HDAC9: variants seen among roughly 807,000 people sequenced by gnomAD.
HDAC9 encodes the protein histone deacetylase 9, also known as MEF-2 interacting transcription repressor (MITR) protein.
HDAC9 carries 41 observed loss-of-function variants against 139.4 expected under a neutral mutation model. The observed-to-expected ratio is 0.29, with a 90% confidence interval of 0.23 to 0.38. HDAC9 has a LOEUF of 0.38. Ranked by LOEUF, HDAC9 falls within the 10% of genes least tolerant of loss-of-function variation. HDAC9 has a pLI of 1.00. For missense variants in HDAC9, 1,147 were observed against 1,297.0 expected (o/e 0.88, Z 1.78); for synonymous variants, 517 against 476.2 (o/e 1.09, Z -1.12).
chr7:18,472,544 A>G (rs1206592136), intron 1 of HDAC9, among the ~76,000 whole-genome samples: 1 of 152,164 alleles, frequency 6.6e-6, no homozygotes, highest in Non-Finnish European at 1.5e-5. Context: ...GCTTTTTGTG[A>G]TACAGTTCCA....
At chr7:18,464,978 A>G (rs1794145425) in intron 1 of HDAC9, among the ~76,000 whole-genome samples, 1 of 151,942 alleles carries the variant, frequency 6.6e-6, no homozygotes, top group African/African-American at 2.4e-5. Flanking sequence ...CCTGTATCTT[A>G]TCCCTTTAAT....
intron 1 of HDAC9, among the ~76,000 whole-genome samples, chr7:18,135,587 A>G (rs1201312530): frequency 1.4e-4 from 19 of 134,518 alleles, no homozygotes; most frequent in African/African-American, 5.6e-4. Flanking sequence ...TTTACTGAGA[A>G]TGATGATTTC....
At chr7:18,233,413 A>T (rs1793601034) in intron 2 of HDAC9, among the ~76,000 whole-genome samples, 1 of 151,952 alleles carries the variant, frequency 6.6e-6, no homozygotes, top group African/African-American at 2.4e-5. Context: ...AGACCCCAAG[A>T]GGAATGAATC....
intron 13 of HDAC9, among the ~76,000 whole-genome samples, chr7:18,743,752 CGTAA>C (rs1787671043): frequency 1.3e-5 from 2 of 151,206 alleles, no homozygotes; most frequent in African/African-American, 4.9e-5. Flanking sequence ...AATAAGACAC[CGTAA>C]GTCTTATGGA....
chr7:18,496,237 G>A (rs568613786), intron 1 of HDAC9, 25 bp from the exon 2 acceptor site: 62 of 1,611,382 alleles, frequency 3.8e-5, no homozygotes, highest in Non-Finnish European at 1.3e-5. Flanking sequence ...GACAATTTAC[G>A]AGAGTGACTC....
upstream of HDAC9, among the ~76,000 whole-genome samples, chr7:18,495,496 G>T (rs1279510754): frequency 1.3e-5 from 2 of 152,112 alleles, no homozygotes; most frequent in Non-Finnish European, 2.9e-5. Context: ...AGAGAGGAAA[G>T]AGTTAATTGG....
At chr7:18,740,354 T>C (rs1787336680) in intron 13 of HDAC9, among the ~76,000 whole-genome samples, 1 of 152,184 alleles carries the variant, frequency 6.6e-6, no homozygotes, top group Admixed American at 6.5e-5. Flanking sequence ...TCTGTGTCAA[T>C]CACAGAAGAC....
intron 17 of HDAC9, among the ~76,000 whole-genome samples, chr7:18,795,884 A>G (rs1444771615): frequency 1.3e-5 from 2 of 152,198 alleles, no homozygotes; most frequent in Admixed American, 6.5e-5. Context: ...GAGCATTATT[A>G]CTCATGGTTT....
intron 1 of HDAC9, among the ~76,000 whole-genome samples, chr7:18,090,255 C>T (rs1782059772): frequency 6.6e-6 from 1 of 152,142 alleles, no homozygotes; most frequent in South Asian, 2.1e-4. Context: ...GAGCAAGCTG[C>T]TCCTGTGTCT....
chr7:18,557,716 TA>T (rs199879517), intron 2 of HDAC9, among the ~76,000 whole-genome samples: 2,623 of 148,778 alleles, frequency 0.018, 83 homozygotes, highest in African/African-American at 0.06. Context: ...TGTAAAATAT[TA>T]ACAATTATAA....
chr7:18,659,169 G>A (rs540609914), intron 11 of HDAC9, among the ~76,000 whole-genome samples: 1 of 152,198 alleles, frequency 6.6e-6, no homozygotes, highest in Admixed American at 6.5e-5. Context: ...GGATGCAAAG[G>A]ATTTCTGTGG....
At chr7:18,726,773 C>A (rs1785584679) in intron 12 of HDAC9, among the ~76,000 whole-genome samples, 1 of 149,476 alleles carries the variant, frequency 6.7e-6, no homozygotes, top group African/African-American at 2.5e-5. Context: ...AAATACATAC[C>A]TTTTTTTGCA....
At chr7:18,704,228 C>G (rs1032170780) in intron 12 of HDAC9, among the ~76,000 whole-genome samples, 1 of 152,192 alleles carries the variant, frequency 6.6e-6, no homozygotes, top group African/African-American at 2.4e-5. Context: ...AAGAAAGTAT[C>G]GGATTCACCA....
At chr7:18,622,080 T>G (rs2128946628) in intron 6 of HDAC9, among the ~76,000 whole-genome samples, 1 of 152,226 alleles carries the variant, frequency 6.6e-6, no homozygotes, top group South Asian at 2.1e-4. Flanking sequence ...ACAAAACATT[T>G]AAATATGGCA....
chr7:18,639,732 T>C (rs1414603871), intron 8 of HDAC9, among the ~76,000 whole-genome samples: 1 of 152,086 alleles, frequency 6.6e-6, no homozygotes, highest in African/African-American at 2.4e-5. Context: ...TTAGATAGCC[T>C]GGATTCAGGG....
chr7:18,338,648 C>A (rs995926122), intron 1 of HDAC9, among the ~76,000 whole-genome samples: 1 of 151,272 alleles, frequency 6.6e-6, no homozygotes, highest in Non-Finnish European at 1.5e-5. Flanking sequence ...GGGATAAATC[C>A]TACTTGGTCA....
chr7:18,324,130 A>T (rs925571467), intron 1 of HDAC9, among the ~76,000 whole-genome samples: 2 of 152,130 alleles, frequency 1.3e-5, no homozygotes, highest in African/African-American at 4.8e-5. Context: ...GCACATAGAC[A>T]TTCAATCTAT....
At chr7:18,419,742 A>C (rs1396514858) in intron 1 of HDAC9, among the ~76,000 whole-genome samples, 1 of 152,170 alleles carries the variant, frequency 6.6e-6, no homozygotes, top group Non-Finnish European at 1.5e-5. Flanking sequence ...TTTTTTAATA[A>C]ATCTTTTCTT....
intron 2 of HDAC9, among the ~76,000 whole-genome samples, chr7:18,175,748 A>G (rs1788841974): frequency 6.7e-6 from 1 of 150,162 alleles, no homozygotes; most frequent in Non-Finnish European, 1.5e-5. Flanking sequence ...GCTTTGAGGT[A>G]ATCTGTAAAA....
Sources: allele counts gnomAD v4.1 joint callset (sites outside exome capture counted in the v4.1 genomes callset), GRCh38; gene constraint gnomAD v4.1.1; transcripts MANE v1.5; gene names NCBI Gene and HGNC (gene_info 2026-07-23, HGNC 2026-07-21).